The following COPG2 variants were observed in gnomAD, a reference collection of about 807,000 sequenced individuals.
COPG2 encodes the protein coat protein complex I subunit gamma 2.
Under a neutral mutation model 46.3 loss-of-function variants are expected in COPG2, and 37 were observed. The observed-to-expected ratio is 0.80, with a 90% CI of 0.61 to 1.05. COPG2 has a LOEUF of 1.05. COPG2 is among the 50% of genes least tolerant of loss of function. The pLI is 0.00. For missense variants in COPG2, 427 were observed against 387.8 expected (o/e 1.10, Z -0.85); for synonymous variants, 159 against 129.7 (o/e 1.23, Z -1.53).
Position 130,510,531 on chromosome 7 carries a change from A to G in COPG2, c.2150-1872T>C, listed in dbSNP as rs1314970980. On this transcript the variant is annotated intron_variant, in intron 20 of 23. Coordinates refer to ENST00000425248, the MANE Select transcript of COPG2 (RefSeq NM_012133.6). ...CCAGTGTGGTTCCAATTAAGCAGAGAGGCTACAGCAAATGAGGAGGACAAA... is the reference window on the plus strand; with the variant it reads ...CCAGTGTGGTTCCAATTAAGCAGAGGGGCTACAGCAAATGAGGAGGACAAA... Among the ~76,000 whole-genome samples the G allele has an allele frequency of 2.0e-5, 3 of 152,198 alleles. No individual in the cohort carries two copies. In the East Asian group the frequency reaches 5.8e-4, roughly 29 times the overall value.
chr7:130,561,044 C>T lies in COPG2; in HGVS notation c.1117G>A (p.Asp373Asn), dbSNP rs1188012513. The change falls in exon 12 of 24, where the codon GAT (aspartate) becomes AAT (asparagine). Residue 373 changes from aspartate (D) to asparagine (N), a missense_variant. Transcript: ENST00000425248. ...QISSFVSEIS[D>N]EFKVVVVQAI... ...GTTTAAACTCTTACCTTGAACTCATCTGAGATTTCAGACACAAAAGAAGAT... is the reference window on the plus strand; with the variant it reads ...GTTTAAACTCTTACCTTGAACTCATTTGAGATTTCAGACACAAAAGAAGAT... The T allele has an allele frequency of 2.5e-6, 1 of 398,452 alleles. No individual in the cohort carries two copies. The highest frequency in any genetic ancestry group is 3.6e-5 in the East Asian group (1 of 28,082). 24.7% of individuals were successfully genotyped at this position (398,452 alleles called of 1,614,324 possible).
At chr7:130,559,097 T>C (rs1271050091) in intron 12 of COPG2, among the ~76,000 whole-genome samples, 1 of 152,060 alleles carries the variant, frequency 6.6e-6, no homozygotes, top group African/African-American at 2.4e-5. Context: ...AAAGACATCA[T>C]AAGAAAAGTC....
chr7:130,570,483 A>G (rs1248492653), intron 9 of COPG2, among the ~76,000 whole-genome samples: 1 of 152,198 alleles, frequency 6.6e-6, no homozygotes, highest in Admixed American at 6.5e-5. Context: ...ACTTAGGAAT[A>G]TATCTAACCA....
intron 5 of COPG2, among the ~76,000 whole-genome samples, chr7:130,623,665 T>G (rs1259401500): frequency 6.6e-6 from 1 of 152,112 alleles, no homozygotes; most frequent in Non-Finnish European, 1.5e-5. Flanking sequence ...GAATAAAATT[T>G]TTATAACATT....
rs138248100 is a variant in COPG2 at position 130,510,752 on chromosome 7, T to C, written c.2150-2093A>G. Reference sequence around the variant, plus strand: ...AATTTTTTTACTTAAATGGTTTGATTGATACAATGAGAGGTTACAGGGATC... The same window carrying C: ...AATTTTTTTACTTAAATGGTTTGATCGATACAATGAGAGGTTACAGGGATC... On this transcript the variant is annotated intron_variant, in intron 20 of 23. Transcript: ENST00000425248. Among the ~76,000 whole-genome samples, 7 of 152,258 alleles carry C rather than the reference T, an allele frequency of 4.6e-5. No homozygotes were observed. In the East Asian group the frequency reaches 1.4e-3, roughly 29 times the overall value.
intron 3 of COPG2, among the ~76,000 whole-genome samples, chr7:130,665,755 C>T (rs1796065199): frequency 6.7e-6 from 1 of 150,202 alleles, no homozygotes; most frequent in African/African-American, 2.5e-5. Flanking sequence ...CCCACTGATA[C>T]TGAGGGAATA....
chr7:130,637,670 T>C (rs750937155), intron 5 of COPG2, among the ~76,000 whole-genome samples: 6 of 152,210 alleles, frequency 3.9e-5, no homozygotes, highest in Non-Finnish European at 4.4e-5. Flanking sequence ...GGTTAGAACA[T>C]GCTCCGTTAG....
chr7:130,530,334 G>A (rs1170865035), intron 20 of COPG2, among the ~76,000 whole-genome samples: 10 of 151,934 alleles, frequency 6.6e-5, no homozygotes, highest in East Asian at 1.9e-4. Context: ...AGGAAGTGGC[G>A]GGACTGGCTG....
chr7:130,508,547 G>A lies in COPG2; in HGVS notation c.2247+15C>T. ...TGAAGGTGTCAAAGAAAGTCTCTAT[G>A]CTGGGAAGACTCACCACATACTCAT... On this transcript the variant is annotated intron_variant, in intron 21 of 23. Coordinates refer to ENST00000425248, the MANE Select transcript of COPG2 (RefSeq NM_012133.6). 1.3e-6 allele frequency: 1 copy of A among 767,580 alleles called. No homozygotes were observed. The highest frequency in any genetic ancestry group is 2.4e-6 in the Non-Finnish European group (1 of 412,022). The allele number at this position is 767,580 out of a possible 1,614,324, so 47.5% of individuals were successfully genotyped here. A position where few individuals can be genotyped will look rare whatever the true frequency, so the allele number is the denominator to read the frequency against.
chr7:130,662,875 G>T, intron 4 of COPG2, 92 bp downstream of exon 4: 1 of 718,776 alleles, frequency 1.4e-6, no homozygotes, highest in Non-Finnish European at 2.4e-6. Context: ...AACATTTCAA[G>T]CAATGCTCCC....
intron 5 of COPG2, among the ~76,000 whole-genome samples, chr7:130,630,379 T>C (rs986773461): frequency 2.0e-5 from 3 of 152,234 alleles, no homozygotes; most frequent in Non-Finnish European, 4.4e-5. Context: ...TACAACATAA[T>C]TGATTTTTGC....
At chr7:130,558,526 T>C (rs1321899918) in intron 12 of COPG2, among the ~76,000 whole-genome samples, 1 of 152,202 alleles carries the variant, frequency 6.6e-6, no homozygotes, top group African/African-American at 2.4e-5. Flanking sequence ...TTTATAGTAG[T>C]GTGACAACAT....
intron 9 of COPG2, chr7:130,605,093 G>A (rs1200448352): frequency 2.1e-6 from 1 of 468,088 alleles, no homozygotes; most frequent in African/African-American, 2.0e-5. Context: ...TTACATATGT[G>A]TTAGGCCACT....
chr7:130,631,410 G>C (rs537607679), intron 5 of COPG2, among the ~76,000 whole-genome samples: 3 of 151,888 alleles, frequency 2.0e-5, no homozygotes, highest in African/African-American at 7.3e-5. Context: ...CACCTGCCTC[G>C]GTCTCCCAGT....
intron 11 of COPG2, among the ~76,000 whole-genome samples, chr7:130,562,053 T>A (rs958822799): frequency 1.3e-5 from 2 of 152,144 alleles, no homozygotes; most frequent in Admixed American, 1.3e-4. Context: ...TGTAGACCTG[T>A]ATCAACTCTT....
chr7:130,646,988 T>C (rs1451446025), intron 5 of COPG2, among the ~76,000 whole-genome samples: 25 of 15,094 alleles, frequency 1.7e-3, no homozygotes, highest in Non-Finnish European at 4.3e-3. Context: ...TATATGTATA[T>C]ATATATATGT....
At chr7:130,621,372 T>G (rs548599571) in intron 5 of COPG2, among the ~76,000 whole-genome samples, 2 of 152,346 alleles carry the variant, frequency 1.3e-5, no homozygotes, top group East Asian at 3.9e-4. Context: ...GGGAAATCAA[T>G]GCACAGGAAT....
Position 130,561,237 on chromosome 7 carries a change from G to C in COPG2, c.940-16C>G, listed in dbSNP as rs1793714132. ...TCATTGCCACCTTGTGGAAGGGCAA[G>C]AAAAAAAATTAAGCAAATTGCTTTT... On this transcript the variant is annotated splice_polypyrimidine_tract_variant and intron_variant, in intron 11 of 23. Transcript: ENST00000425248. 1 of 398,086 alleles carries C rather than the reference G, an allele frequency of 2.5e-6. No individual in the cohort carries two copies. The highest frequency in any genetic ancestry group is 1.3e-4 in the South Asian group (1 of 7,836). The allele number at this position is 398,086 out of a possible 1,614,324, so 24.7% of individuals were successfully genotyped here.
intron 14 of COPG2, among the ~76,000 whole-genome samples, chr7:130,553,612 G>C (rs1383278658): frequency 6.6e-6 from 1 of 152,188 alleles, no homozygotes; most frequent in Non-Finnish European, 1.5e-5. Context: ...AGTGCTTTAA[G>C]TTATTTGGAC....
Sources: allele counts gnomAD v4.1 joint callset (sites outside exome capture counted in the v4.1 genomes callset), GRCh38; gene constraint gnomAD v4.1.1; transcripts MANE v1.5; gene names NCBI Gene and HGNC (gene_info 2026-07-23, HGNC 2026-07-21).